The following PPP4R2 variants were observed in gnomAD, a reference collection of about 807,000 sequenced individuals.
PPP4R2 encodes serine/threonine-protein phosphatase 4 regulatory subunit 2.
Under a neutral mutation model 47.2 loss-of-function variants are expected in PPP4R2, and 13 were observed. That is an observed-to-expected ratio of 0.28 (90% confidence interval 0.18 to 0.44). PPP4R2 has a LOEUF of 0.44. Among genes scored for constraint, PPP4R2 ranks in the 20% least tolerant of loss-of-function variants. The pLI is 1.00. For synonymous variants in PPP4R2, 151 were observed against 163.3 expected (o/e 0.92, Z 0.57); for missense variants, 421 against 491.2 (o/e 0.86, Z 1.35).
rs1483573462 is a variant in PPP4R2 at position 73,065,940 on chromosome 3, T to G, written c.*218T>G. On this transcript the variant is annotated 3_prime_UTR_variant, in exon 9 of 9. Transcript: ENST00000356692. ...ACCTTACCGCTGACTTTTCTTTCTTTCTTTTTTTGGTCTGGGCAAATCAGT... is the reference window on the plus strand; with the variant it reads ...ACCTTACCGCTGACTTTTCTTTCTTGCTTTTTTTGGTCTGGGCAAATCAGT... 2.9e-6 allele frequency: 1 copy of G among 340,646 alleles called. No individual in the cohort carries two copies. Among genetic ancestry groups the G allele is most frequent in the East Asian group, 4.5e-5 (1 of 22,450 alleles). 21.1% of individuals were successfully genotyped at this position (340,646 alleles called of 1,614,324 possible).
At chr3:73,019,241 T>C (rs903862077) in intron 2 of PPP4R2, among the ~76,000 whole-genome samples, 6 of 152,226 alleles carry the variant, frequency 3.9e-5, no homozygotes, top group African/African-American at 1.4e-4. Context: ...TTTGTGTAAG[T>C]GCACTCTGTG....
intron 2 of PPP4R2, among the ~76,000 whole-genome samples, chr3:73,029,492 AAAAG>A (rs925434499): frequency 3.3e-5 from 5 of 152,194 alleles, no homozygotes; most frequent in African/African-American, 9.7e-5. Context: ...TGTGATGTGA[AAAAG>A]AAAGAAAGGA....
At chr3:73,004,982 TGTG>T (rs1701573566) in intron 2 of PPP4R2, among the ~76,000 whole-genome samples, 1 of 149,426 alleles carries the variant, frequency 6.7e-6, no homozygotes, top group East Asian at 2.0e-4. Flanking sequence ...TGTGTGTGTG[TGTG>T]TGTGTTTTGA....
At chr3:73,058,375 A>G (rs1408560292) in intron 3 of PPP4R2, among the ~76,000 whole-genome samples, 1 of 151,904 alleles carries the variant, frequency 6.6e-6, no homozygotes, top group Non-Finnish European at 1.5e-5. Context: ...ATAACCCCCA[A>G]CTTGATTATT....
At chr3:73,007,994 A>G (rs1480390226) in intron 2 of PPP4R2, among the ~76,000 whole-genome samples, 2 of 151,920 alleles carry the variant, frequency 1.3e-5, no homozygotes, top group East Asian at 1.9e-4. Flanking sequence ...TTTTAAGTGG[A>G]AAGACTATTA....
chr3:73,052,020 G>A (rs9831299), intron 3 of PPP4R2, among the ~76,000 whole-genome samples: 2,410 of 152,254 alleles, frequency 0.016, 74 homozygotes, highest in African/African-American at 0.055. Context: ...TGGGGTAACA[G>A]TCTTTTCCAA....
intron 1 of PPP4R2, 166 bp downstream of exon 1, chr3:72,997,237 C>A: frequency 2.2e-6 from 1 of 454,522 alleles, no homozygotes; most frequent in Non-Finnish European, 3.8e-6. Flanking sequence ...GCCCTGTGGG[C>A]AGCTCTCTCC....
intron 2 of PPP4R2, among the ~76,000 whole-genome samples, chr3:73,020,468 G>C (rs950196139): frequency 6.6e-6 from 1 of 152,092 alleles, no homozygotes; most frequent in African/African-American, 2.4e-5. Flanking sequence ...TTTGAGACCA[G>C]CCTGGGTAAC....
chr3:73,061,308 T>TTTAC (rs777040538), intron 5 of PPP4R2: 11 of 222,518 alleles, frequency 4.9e-5, no homozygotes, highest in Admixed American at 2.3e-4. Flanking sequence ...TATTGTTGGA[T>TTTAC]TTACATACTG....
At chr3:73,015,829 G>A (rs1484004054) in intron 2 of PPP4R2, 6 of 438,568 alleles carry the variant, frequency 1.4e-5, no homozygotes, top group South Asian at 4.7e-5. Flanking sequence ...TAGTAGAGAC[G>A]GGGTTTCACC....
At chr3:73,058,449 A>G (rs1702772925) in intron 3 of PPP4R2, among the ~76,000 whole-genome samples, 1 of 152,056 alleles carries the variant, frequency 6.6e-6, no homozygotes. Flanking sequence ...TTTCTATTAT[A>G]TAAAAATTTT....
At chr3:73,034,918 A>G (rs1278106952) in intron 2 of PPP4R2, among the ~76,000 whole-genome samples, 1 of 152,174 alleles carries the variant, frequency 6.6e-6, no homozygotes, top group Non-Finnish European at 1.5e-5. Flanking sequence ...TCAAAAGCAC[A>G]GGGAACGAAA....
rs1702846717 is a variant in PPP4R2, at chr3:73,061,005, T to C, written c.382-18T>C. On this transcript the variant is annotated intron_variant, in intron 4 of 8. Coordinates refer to ENST00000356692, the MANE Select transcript of PPP4R2 (RefSeq NM_174907.4). The stretch of plus-strand genomic sequence containing the variant: ...AGTACTTTTCTTCATACTAAATCAC[T>C]GATTTTTGTTATTGCAGAATGTGAT... 1.3e-6 allele frequency: 2 copies of C among 1,540,380 alleles called. No individual in the cohort carries two copies. The highest frequency in any genetic ancestry group is 4.7e-5 in the East Asian group (2 of 42,968).
chr3:73,003,403 G>T (rs1250342000), intron 2 of PPP4R2, among the ~76,000 whole-genome samples: 2 of 152,014 alleles, frequency 1.3e-5, no homozygotes, highest in Non-Finnish European at 2.9e-5. Context: ...AGTAGAGACG[G>T]GGTTTCGCTG....
At chr3:73,008,044 C>G (rs932614549) in intron 2 of PPP4R2, among the ~76,000 whole-genome samples, 2 of 149,574 alleles carry the variant, frequency 1.3e-5, no homozygotes, top group East Asian at 2.0e-4. Context: ...CCCCCACCCC[C>G]CCTCCCATAA....
chr3:73,063,829 T>A, intron 6 of PPP4R2, 82 bp downstream of exon 6: 1 of 1,187,586 alleles, frequency 8.4e-7, no homozygotes, highest in Non-Finnish European at 1.2e-6. Context: ...TTTTAAAAAT[T>A]GGGCATTTTA....
intron 2 of PPP4R2, among the ~76,000 whole-genome samples, chr3:73,010,205 C>CA (rs568936436): frequency 1.0e-3 from 151 of 151,680 alleles, no homozygotes; most frequent in African/African-American, 3.5e-3. Context: ...CCACTTAACG[C>CA]AAAAAAATAG....
At chr3:73,030,146 C>G (rs1475793316) in intron 2 of PPP4R2, among the ~76,000 whole-genome samples, 1 of 152,104 alleles carries the variant, frequency 6.6e-6, no homozygotes, top group African/African-American at 2.4e-5. Context: ...TATTTGTATG[C>G]TGGTGGGAAT....
intron 2 of PPP4R2, among the ~76,000 whole-genome samples, chr3:73,002,648 T>C (rs969630387): frequency 2.2e-5 from 2 of 91,798 alleles, no homozygotes; most frequent in African/African-American, 4.4e-5. Flanking sequence ...TTTTTTTTTT[T>C]TTTTTTTTTT....
Sources: allele counts gnomAD v4.1 joint callset (sites outside exome capture counted in the v4.1 genomes callset), GRCh38; gene constraint gnomAD v4.1.1; transcripts MANE v1.5; gene names NCBI Gene and HGNC (gene_info 2026-07-23, HGNC 2026-07-21).